PPARGC1A: variants seen among roughly 807,000 people sequenced by gnomAD.
PPARGC1A encodes the protein PPARG coactivator 1 alpha, also known as peroxisome proliferator-activated receptor gamma coactivator 1-alpha.
A neutral mutation model predicts 88.7 loss-of-function variants in PPARGC1A; 25 were observed. The observed-to-expected ratio is 0.28, with a 90% confidence interval of 0.21 to 0.39. The LOEUF (loss-of-function observed/expected upper bound fraction) is 0.39, where lower values mean the gene tolerates loss of function less well. Among genes scored for constraint, PPARGC1A ranks in the 10% least tolerant of loss-of-function variants. PPARGC1A has a pLI of 1.00. For missense variants in PPARGC1A, 880 were observed against 968.7 expected (o/e 0.91, Z 1.22); for synonymous variants, 363 against 355.6 (o/e 1.02, Z -0.24).
the PPARGC1A span, among the ~76,000 whole-genome samples, chr4:24,020,497 T>G: frequency 6.6e-6 from 1 of 152,168 alleles, no homozygotes. Flanking sequence ...TATTCCATGT[T>G]TTTCTCCTGT....
the PPARGC1A span, among the ~76,000 whole-genome samples, chr4:24,262,598 G>A: frequency 2.0e-5 from 3 of 152,118 alleles, no homozygotes; most frequent in Non-Finnish European, 4.4e-5. Flanking sequence ...CTTTTCAGGG[G>A]TCTGTAACCT....
chr4:24,415,305 T>C, the PPARGC1A span, among the ~76,000 whole-genome samples: 6 of 152,342 alleles, frequency 3.9e-5, no homozygotes, highest in South Asian at 1.0e-3. Context: ...CTCCAGACTT[T>C]ATTTATAAGA....
the PPARGC1A span, among the ~76,000 whole-genome samples, chr4:24,103,421 T>G: frequency 6.6e-6 from 1 of 151,834 alleles, no homozygotes; most frequent in East Asian, 1.9e-4. Context: ...ATGTGGAGCC[T>G]GAAGGTGTGT....
the PPARGC1A span, among the ~76,000 whole-genome samples, chr4:24,355,589 G>A: frequency 6.6e-6 from 1 of 151,980 alleles, no homozygotes; most frequent in African/African-American, 2.4e-5. Context: ...ACTTTCTAAC[G>A]CTTTTTAGCC....
At chr4:24,308,493 C>T in the PPARGC1A span, among the ~76,000 whole-genome samples, 1 of 152,002 alleles carries the variant, frequency 6.6e-6, no homozygotes, top group South Asian at 2.1e-4. Context: ...ATTAATCATA[C>T]CCTTTACCAC....
chr4:24,100,669 T>G, the PPARGC1A span, among the ~76,000 whole-genome samples: 1 of 152,090 alleles, frequency 6.6e-6, no homozygotes, highest in Admixed American at 6.6e-5. Context: ...ATTAAATGAG[T>G]GATGAATAAT....
chr4:24,141,979 C>T, the PPARGC1A span, among the ~76,000 whole-genome samples: 5 of 152,140 alleles, frequency 3.3e-5, no homozygotes, highest in African/African-American at 4.8e-5. Context: ...AAAATGATCA[C>T]CCATAAAACT....
chr4:24,311,736 T>TCAA, the PPARGC1A span, among the ~76,000 whole-genome samples: 2 of 151,776 alleles, frequency 1.3e-5, no homozygotes, highest in African/African-American at 4.8e-5. Context: ...GGAATATAGA[T>TCAA]CAATACATGT....
chr4:24,424,565 G>A, the PPARGC1A span, among the ~76,000 whole-genome samples: 4 of 151,928 alleles, frequency 2.6e-5, no homozygotes, highest in Admixed American at 6.6e-5. Flanking sequence ...GTGAGCCACC[G>A]CGCCCAGCCG....
chr4:24,279,218 A>G, the PPARGC1A span, among the ~76,000 whole-genome samples: 1 of 152,216 alleles, frequency 6.6e-6, no homozygotes, highest in Non-Finnish European at 1.5e-5. Context: ...GAGTGAATTC[A>G]ATGCCTCTCC....
intron 2 of PPARGC1A, among the ~76,000 whole-genome samples, chr4:23,852,210 A>G (rs561751440): frequency 4.3e-4 from 66 of 152,292 alleles, no homozygotes; most frequent in Middle Eastern, 3.4e-3. Flanking sequence ...CTTCAGGAGG[A>G]ACCAGTCCAG....
the PPARGC1A span, among the ~76,000 whole-genome samples, chr4:23,958,182 C>G: frequency 6.6e-6 from 1 of 152,082 alleles, no homozygotes; most frequent in Non-Finnish European, 1.5e-5. Context: ...CAATTCGAAG[C>G]ACTGGGCGAT....
At chr4:24,105,544 A>G in the PPARGC1A span, among the ~76,000 whole-genome samples, 1 of 152,166 alleles carries the variant, frequency 6.6e-6, no homozygotes, top group South Asian at 2.1e-4. Context: ...TCTTGTTTCA[A>G]TGCAGACTCT....
the PPARGC1A span, among the ~76,000 whole-genome samples, chr4:24,009,901 T>C: frequency 6.6e-6 from 1 of 152,150 alleles, no homozygotes; most frequent in African/African-American, 2.4e-5. Context: ...CCTCTTCTAA[T>C]TCCTTCCCTG....
chr4:24,245,836 A>G, the PPARGC1A span, among the ~76,000 whole-genome samples: 216 of 151,388 alleles, frequency 1.4e-3, 2 homozygotes, highest in African/African-American at 5.1e-3. Context: ...AGATACTTTG[A>G]CATAAATAGT....
chr4:24,121,259 G>A, the PPARGC1A span, among the ~76,000 whole-genome samples: 2 of 152,152 alleles, frequency 1.3e-5, no homozygotes, highest in African/African-American at 4.8e-5. Context: ...GAGAACACAG[G>A]CTCCCAGCTA....
chr4:23,944,938 A>G, the PPARGC1A span, among the ~76,000 whole-genome samples: 1 of 152,214 alleles, frequency 6.6e-6, no homozygotes, highest in Non-Finnish European at 1.5e-5. Context: ...AGAATGGACT[A>G]ATAAAACTGT....
At chr4:23,831,302 C>T (rs1489382603) in intron 3 of PPARGC1A, among the ~76,000 whole-genome samples, 2 of 152,030 alleles carry the variant, frequency 1.3e-5, no homozygotes, top group Admixed American at 6.6e-5. Flanking sequence ...ACATAAATAA[C>T]ACTAAGATAG....
At chr4:24,298,557 C>A in the PPARGC1A span, among the ~76,000 whole-genome samples, 2 of 152,142 alleles carry the variant, frequency 1.3e-5, no homozygotes, top group Non-Finnish European at 2.9e-5. Context: ...GCAGTTGTTA[C>A]TGCAGCGTAA....
Sources: allele counts gnomAD v4.1 joint callset (sites outside exome capture counted in the v4.1 genomes callset), GRCh38; gene constraint gnomAD v4.1.1; transcripts MANE v1.5; gene names NCBI Gene and HGNC (gene_info 2026-07-23, HGNC 2026-07-21).